The following ANK3 variants were observed in gnomAD, a reference collection of about 807,000 sequenced individuals.
The protein encoded by ANK3 is ankyrin 3, also known as ankyrin-3.
A neutral mutation model predicts 370.9 loss-of-function variants in ANK3; 57 were observed. That is an observed-to-expected ratio of 0.15 (90% CI 0.12 to 0.19). The LOEUF is 0.19. Among genes scored for constraint, ANK3 ranks in the 10% least tolerant of loss-of-function variants. ANK3 has a pLI of 1.00. For missense variants in ANK3, 4,439 were observed against 5,302.1 expected (o/e 0.84, Z 5.06); for synonymous variants, 1,929 against 1,946.3 (o/e 0.99, Z 0.23).
chr10:60,695,217 T>C (rs2079427827), intron 1 of ANK3, among the ~76,000 whole-genome samples: 1 of 152,124 alleles, frequency 6.6e-6, no homozygotes, highest in Non-Finnish European at 1.5e-5. Context: ...TAAATATATA[T>C]GCACCCAATA....
intron 24 of ANK3, among the ~76,000 whole-genome samples, chr10:60,135,196 C>T (rs746550632): frequency 6.6e-6 from 1 of 152,196 alleles, no homozygotes; most frequent in Non-Finnish European, 1.5e-5. Flanking sequence ...ATAAGTCATA[C>T]AGGCAAAGAC....
intron 1 of ANK3, among the ~76,000 whole-genome samples, chr10:60,308,949 T>A: frequency 6.6e-6 from 1 of 152,156 alleles, no homozygotes; most frequent in East Asian, 1.9e-4. Context: ...CCTACTCACA[T>A]TTCCCTCAAA....
Position 60,617,348 on chromosome 10 carries a change from C to T in ANK3, c.58-2124G>A, listed in dbSNP as rs74443851. On this transcript the variant is annotated intron_variant, in intron 1 of 43. Coordinates refer to the ANK3 transcript ENST00000373827. The stretch of plus-strand genomic sequence containing the variant: ...CATGTGGACTTTATCATAGGTATAA[C>T]GTGAGATGAGTACTTACTACAGTTT... Among the ~76,000 whole-genome samples the T allele has an allele frequency of 3.4e-3, 517 of 152,064 alleles. 2 individuals carry two copies. Among genetic ancestry groups the T allele is most frequent in the African/African-American group, 0.012 (489 of 41,526 alleles).
chr10:60,330,563 A>C (rs1053886837), intron 1 of ANK3, among the ~76,000 whole-genome samples: 1 of 152,212 alleles, frequency 6.6e-6, no homozygotes, highest in African/African-American at 2.4e-5. Flanking sequence ...AATCAAAACC[A>C]CAATGAGCTC....
At chr10:60,322,576 C>T (rs2132897381) in intron 1 of ANK3, among the ~76,000 whole-genome samples, 1 of 151,776 alleles carries the variant, frequency 6.6e-6, no homozygotes, top group East Asian at 1.9e-4. Flanking sequence ...TTATCCCTTT[C>T]TTCCCCAAGG....
chr10:60,580,084 T>G (rs1482213077), intron 2 of ANK3, among the ~76,000 whole-genome samples: 1 of 152,258 alleles, frequency 6.6e-6, no homozygotes. Flanking sequence ...TGCTGTGTTT[T>G]AATTTGCATT....
chr10:60,124,056 T>C (rs986531605), intron 25 of ANK3, among the ~76,000 whole-genome samples: 3 of 152,242 alleles, frequency 2.0e-5, no homozygotes, highest in Non-Finnish European at 4.4e-5. Flanking sequence ...CCTGATTCAC[T>C]GTGAGAATGG....
At chr10:60,078,003 A>G (rs375977846) in intron 36 of ANK3, among the ~76,000 whole-genome samples, 5 of 152,198 alleles carry the variant, frequency 3.3e-5, no homozygotes, top group African/African-American at 1.2e-4. Context: ...TGCTTCTACA[A>G]CTCAAACAAA....
At chr10:60,703,428 A>G (rs958176333) in intron 1 of ANK3, among the ~76,000 whole-genome samples, 66 of 152,202 alleles carry the variant, frequency 4.3e-4, no homozygotes, top group African/African-American at 1.4e-3. Context: ...TCATGTGTCT[A>G]TAATTGTTAT....
intron 1 of ANK3, among the ~76,000 whole-genome samples, chr10:60,334,900 C>T (rs757752055): frequency 3.3e-5 from 5 of 152,082 alleles, no homozygotes; most frequent in Admixed American, 6.6e-5. Flanking sequence ...TGGGTGTTAA[C>T]GTATATCTGG....
chr10:60,283,089 T>C (rs1230995110), intron 1 of ANK3, among the ~76,000 whole-genome samples: 1 of 152,212 alleles, frequency 6.6e-6, no homozygotes, highest in African/African-American at 2.4e-5. Context: ...AAATAATGAC[T>C]TATTTGCTTT....
rs72806168 is a variant in ANK3 at position 60,411,817 on chromosome 10, G to A, written c.97-132178C>T. The stretch of plus-strand genomic sequence containing the variant: ...AGGATATAGAAGAAAGTACTCATGA[G>A]ATTTTGAAATGAAAGAGTATTTATA... On this transcript the variant is annotated intron_variant, in intron 2 of 43. Transcript: ENST00000373827. Among the ~76,000 whole-genome samples, 789 of 152,234 alleles carry A rather than the reference G, an allele frequency of 5.2e-3. 4 individuals carry two copies. Among genetic ancestry groups the A allele is most frequent in the South Asian group, 0.011 (53 of 4,816 alleles).
At chr10:60,148,182 C>G (rs564100832) in intron 23 of ANK3, among the ~76,000 whole-genome samples, 4 of 152,134 alleles carry the variant, frequency 2.6e-5, no homozygotes, top group African/African-American at 7.2e-5. Context: ...TCTGAAAGAA[C>G]AGCAAACTGC....
At chr10:60,285,925 T>G (rs527857153) in intron 1 of ANK3, among the ~76,000 whole-genome samples, 2 of 152,292 alleles carry the variant, frequency 1.3e-5, no homozygotes, top group South Asian at 4.1e-4. Context: ...TTACCTTTTT[T>G]TCTTCACTCT....
intron 2 of ANK3, among the ~76,000 whole-genome samples, chr10:60,555,846 C>T (rs2077194350): frequency 6.6e-6 from 1 of 152,202 alleles, no homozygotes; most frequent in Non-Finnish European, 1.5e-5. Flanking sequence ...CTGTAAAGCT[C>T]ATGTGACTCA....
Position 60,722,836 on chromosome 10 carries a change from A to C in ANK3, c.57+10427T>G, listed in dbSNP as rs995168191. 1.2e-4 allele frequency among the ~76,000 whole-genome samples: 19 copies of C among 152,254 alleles called. No individual in the cohort carries two copies. In the East Asian group the frequency reaches 2.3e-3, roughly 19 times the overall value. On this transcript the variant is annotated intron_variant, in intron 1 of 43. Coordinates refer to the ANK3 transcript ENST00000373827. ...CTCTTGCTCCCTCTCTTGCCATATG[A>C]TATGCCTGTCTTTGCCTTCCAGCAA...
chr10:60,655,453 T>G (rs1176891030), intron 1 of ANK3, among the ~76,000 whole-genome samples: 1 of 151,408 alleles, frequency 6.6e-6, no homozygotes, highest in Non-Finnish European at 1.5e-5. Flanking sequence ...AGAGGAAAAA[T>G]AAAATGAAAA....
intron 39 of ANK3, 113 bp downstream of exon 39, chr10:60,064,044 T>C: frequency 9.9e-7 from 1 of 1,010,618 alleles, no homozygotes; most frequent in Non-Finnish European, 1.4e-6. Context: ...TAGTTTTCTA[T>C]ATTAAAGATT....
intron 16 of ANK3, among the ~76,000 whole-genome samples, chr10:60,194,968 G>A (rs1316452917): frequency 2.0e-5 from 3 of 152,092 alleles, no homozygotes; most frequent in East Asian, 3.9e-4. Flanking sequence ...TGATCTCTTA[G>A]GGTATCTAAA....
Sources: gnomAD v4.1 joint callset for allele counts (sites outside exome capture counted in the v4.1 genomes callset) on GRCh38, gnomAD v4.1.1 for gene constraint, MANE v1.5 for transcripts, NCBI Gene and HGNC (gene_info 2026-07-23, HGNC 2026-07-21) for gene names.